Variants in SPOCK3 observed in about 807,000 individuals in gnomAD.
SPOCK3 encodes the protein SPARC (osteonectin), cwcv and kazal like domains proteoglycan 3.
Under a neutral mutation model 56.6 loss-of-function variants are expected in SPOCK3, and 30 were observed. The observed-to-expected ratio is 0.53, with a 90% CI of 0.40 to 0.72. The LOEUF is 0.72. SPOCK3 is among the 30% of genes least tolerant of loss of function. The pLI, the probability that SPOCK3 is intolerant of heterozygous loss-of-function variation, is 0.00. For synonymous variants in SPOCK3, 196 were observed against 183.3 expected (o/e 1.07, Z -0.56); for missense variants, 527 against 530.0 (o/e 0.99, Z 0.06).
chr4:166,977,201 T>C (rs925974129), intron 4 of SPOCK3, among the ~76,000 whole-genome samples: 1 of 152,092 alleles, frequency 6.6e-6, no homozygotes, highest in Admixed American at 6.6e-5. Flanking sequence ...TTTTTTACAT[T>C]ATTAGGTTTA....
At chr4:166,931,126 C>T (rs775932563) in intron 4 of SPOCK3, among the ~76,000 whole-genome samples, 14 of 152,124 alleles carry the variant, frequency 9.2e-5, no homozygotes, top group East Asian at 3.9e-4. Context: ...AGATGACAGG[C>T]GCCCGCCACC....
chr4:166,827,412 C>G (rs908303781), intron 6 of SPOCK3, among the ~76,000 whole-genome samples: 26 of 152,036 alleles, frequency 1.7e-4, no homozygotes, highest in African/African-American at 6.3e-4. Flanking sequence ...AGATAAGCAG[C>G]CAACGAATGG....
chr4:167,234,432 C>T lies in SPOCK3; in HGVS notation c.-1+18G>A, dbSNP rs1580710544. 8 of 561,440 alleles carry T rather than the reference C, an allele frequency of 1.4e-5. No individual in the cohort carries two copies. The East Asian group carries it at 2.1e-4, about 15-fold the overall frequency. The allele number at this position is 561,440 out of a possible 1,614,324, so 34.8% of individuals were successfully genotyped here. ...GCAGCAGCCCGAGCGGGCACAAAAC[C>T]GCTTCCTGGCACATCACCTTGTTGT... On this transcript the variant is annotated intron_variant, in intron 1 of 10. Transcript: ENST00000357545.
At chr4:166,947,227 C>T (rs1050335744) in intron 4 of SPOCK3, among the ~76,000 whole-genome samples, 1 of 152,118 alleles carries the variant, frequency 6.6e-6, no homozygotes, top group African/African-American at 2.4e-5. Context: ...ATATAGTCAA[C>T]CAACAGCCCC....
At chr4:166,981,605 C>T (rs1454536832) in intron 4 of SPOCK3, among the ~76,000 whole-genome samples, 5 of 152,130 alleles carry the variant, frequency 3.3e-5, no homozygotes, top group Non-Finnish European at 7.4e-5. Context: ...AGTCCACGGG[C>T]AGGCCTGGAA....
chr4:166,949,418 G>C (rs1201936964), intron 4 of SPOCK3, among the ~76,000 whole-genome samples: 1 of 152,158 alleles, frequency 6.6e-6, no homozygotes, highest in East Asian at 1.9e-4. Context: ...GAGGTGCTCT[G>C]CTTTTTAGAG....
At chr4:167,004,540 T>C (rs1023443425) in intron 3 of SPOCK3, among the ~76,000 whole-genome samples, 1 of 148,286 alleles carries the variant, frequency 6.7e-6, no homozygotes, top group Non-Finnish European at 1.5e-5. Context: ...GATTATTTAT[T>C]GCAGAAAGAC....
chr4:166,891,510 G>T (rs1734782759), intron 5 of SPOCK3, among the ~76,000 whole-genome samples: 1 of 151,702 alleles, frequency 6.6e-6, no homozygotes, highest in Admixed American at 6.6e-5. Context: ...GTTTATAGTA[G>T]CATATTCATC....
chr4:167,078,397 G>T (rs190394022), intron 2 of SPOCK3, among the ~76,000 whole-genome samples: 1 of 148,460 alleles, frequency 6.7e-6, no homozygotes. Flanking sequence ...ATGTTGGGAA[G>T]GAATGGGGAC....
At position 166,912,565 on chromosome 4, in the gene SPOCK3, T is replaced by A. The variant is rs909344098; in HGVS notation, c.474+55A>T. ...TTGGATAAGCAATGGTTTTAATCAT[T>A]TACTAATAAGTATGCATCCCTTATT... is the stretch of plus-strand genomic sequence containing the variant. On this transcript the variant is annotated intron_variant, in intron 5 of 10. Coordinates refer to ENST00000357545, the MANE Select transcript of SPOCK3 (RefSeq NM_001040159.2). 21 of 1,529,256 alleles carry A rather than the reference T, an allele frequency of 1.4e-5. No homozygotes were observed. The Admixed American group carries it at 2.1e-4, about 15-fold the overall frequency. The allele number at this position is 1,529,256 out of a possible 1,614,324, so 94.7% of individuals were successfully genotyped here. A position where few individuals can be genotyped will look rare whatever the true frequency, so the allele number is the denominator to read the frequency against.
intron 2 of SPOCK3, among the ~76,000 whole-genome samples, chr4:167,135,619 C>T (rs1033839076): frequency 6.6e-6 from 1 of 151,680 alleles, no homozygotes; most frequent in Non-Finnish European, 1.5e-5. Flanking sequence ...AAACCCAGAA[C>T]ATATACAATG....
At chr4:167,059,271 C>G (rs1374795382) in intron 3 of SPOCK3, among the ~76,000 whole-genome samples, 1 of 152,150 alleles carries the variant, frequency 6.6e-6, no homozygotes, top group African/African-American at 2.4e-5. Flanking sequence ...GGGCTAATAT[C>G]CAGAATCTAC....
intron 2 of SPOCK3, among the ~76,000 whole-genome samples, chr4:167,147,787 C>T (rs1016372337): frequency 2.6e-5 from 4 of 152,046 alleles, no homozygotes; most frequent in Admixed American, 1.3e-4. Flanking sequence ...GGGTGGGGAA[C>T]ATCACACACC....
intron 2 of SPOCK3, among the ~76,000 whole-genome samples, chr4:167,101,410 T>C (rs1363195782): frequency 6.6e-6 from 1 of 152,090 alleles, no homozygotes; most frequent in Non-Finnish European, 1.5e-5. Context: ...ATCAAAATCC[T>C]TGGTAATTTC....
intron 2 of SPOCK3, among the ~76,000 whole-genome samples, chr4:167,145,644 G>A (rs2150406716): frequency 6.6e-6 from 1 of 152,134 alleles, no homozygotes; most frequent in East Asian, 1.9e-4. Flanking sequence ...AAAGATCTGG[G>A]GGCCAATATT....
At chr4:166,814,256 T>C (rs1023132558) in intron 6 of SPOCK3, among the ~76,000 whole-genome samples, 2 of 152,104 alleles carry the variant, frequency 1.3e-5, no homozygotes, top group African/African-American at 4.8e-5. Flanking sequence ...TTTTGTTTCC[T>C]AATCTTAAAA....
chr4:166,822,621 T>C (rs1214383761), intron 6 of SPOCK3, among the ~76,000 whole-genome samples: 3 of 152,044 alleles, frequency 2.0e-5, no homozygotes, highest in Non-Finnish European at 4.4e-5. Flanking sequence ...AAGGCACTAT[T>C]GCACTCCGTA....
chr4:166,899,947 G>A (rs910628727), intron 5 of SPOCK3, among the ~76,000 whole-genome samples: 2 of 152,132 alleles, frequency 1.3e-5, no homozygotes, highest in Admixed American at 6.6e-5. Flanking sequence ...CATTCTTTGG[G>A]TATTGGAGAG....
At chr4:166,763,975 C>CT in intron 7 of SPOCK3, among the ~76,000 whole-genome samples, 2 of 152,076 alleles carry the variant, frequency 1.3e-5, no homozygotes. Context: ...GAATCTGTTT[C>CT]TTTTTTCAGC....
Sources: gnomAD v4.1 joint callset for allele counts (sites outside exome capture counted in the v4.1 genomes callset) on GRCh38, gnomAD v4.1.1 for gene constraint, MANE v1.5 for transcripts, NCBI Gene and HGNC (gene_info 2026-07-23, HGNC 2026-07-21) for gene names.